The following GPR158 variants were observed in gnomAD, a reference collection of about 807,000 sequenced individuals.
GPR158 encodes G protein-coupled receptor 158.
A neutral mutation model predicts 78.2 loss-of-function variants in GPR158; 30 were observed. The ratio of observed to expected loss-of-function variants is 0.38; its 90% confidence interval spans 0.29 to 0.52. The LOEUF (loss-of-function observed/expected upper bound fraction) is 0.52, where lower values mean the gene tolerates loss of function less well. Among genes scored for constraint, GPR158 ranks in the 20% least tolerant of loss-of-function variants. The pLI is 0.83. For missense variants in GPR158, 1,463 were observed against 1,523.5 expected (o/e 0.96, Z 0.66); for synonymous variants, 581 against 591.1 (o/e 0.98, Z 0.25).
At chr10:25,476,647 T>G (rs1456175419) in intron 5 of GPR158, among the ~76,000 whole-genome samples, 1 of 152,164 alleles carries the variant, frequency 6.6e-6, no homozygotes, top group Admixed American at 6.6e-5. Flanking sequence ...ATCCACCTTT[T>G]TTTTCAGCTG....
At chr10:25,573,495 G>T in intron 7 of GPR158, among the ~76,000 whole-genome samples, 1 of 152,228 alleles carries the variant, frequency 6.6e-6, no homozygotes, top group Admixed American at 6.5e-5. Context: ...ACTTTGAAGA[G>T]CTGCATCATG....
intron 2 of GPR158, among the ~76,000 whole-genome samples, chr10:25,247,643 A>G (rs1296404142): frequency 4.1e-5 from 6 of 145,688 alleles, no homozygotes; most frequent in African/African-American, 1.5e-4. Context: ...AAGGACATGA[A>G]CTCATCATTT....
At chr10:25,180,104 G>T (rs373214256) in intron 1 of GPR158, among the ~76,000 whole-genome samples, 2 of 152,072 alleles carry the variant, frequency 1.3e-5, no homozygotes, top group Admixed American at 6.6e-5. Context: ...ATTAATTCTC[G>T]ATGAGCCTGA....
At chr10:25,355,561 A>C (rs887447680) in intron 2 of GPR158, among the ~76,000 whole-genome samples, 3 of 151,850 alleles carry the variant, frequency 2.0e-5, no homozygotes, top group African/African-American at 7.3e-5. Context: ...CCTGTTGGCT[A>C]TTTGTTTCTT....
Position 25,221,069 on chromosome 10 carries a change from A to G in GPR158, c.920A>G (p.Asp307Gly). 6.3e-7 allele frequency: 1 copy of G among 1,575,134 alleles called. No individual in the cohort carries two copies. Among genetic ancestry groups the G allele is most frequent in the Non-Finnish European group, 8.7e-7 (1 of 1,147,590 alleles). ...VPEFRGVMKVDINLQKVDIDQ... is the reference protein window; with the variant it reads ...VPEFRGVMKVGINLQKVDIDQ... ...ATTTCTAGGGGTGTCATGAAAGTTG[A>G]CATAAATCTTCAGAAAGTGGACATT... Residue 307 changes from aspartate to glycine, a missense_variant, in exon 2 of 11, where the codon GAC (aspartate) becomes GGC (glycine). Coordinates refer to ENST00000376351, the MANE Select transcript of GPR158 (RefSeq NM_020752.3).
intron 5 of GPR158, among the ~76,000 whole-genome samples, chr10:25,500,580 A>C (rs1431677005): frequency 2.6e-5 from 4 of 152,214 alleles, no homozygotes; most frequent in Non-Finnish European, 5.9e-5. Flanking sequence ...AATTTATTTG[A>C]GATGATCAAT....
At chr10:25,372,817 C>T (rs200673251) in intron 2 of GPR158, among the ~76,000 whole-genome samples, 5 of 143,654 alleles carry the variant, frequency 3.5e-5, no homozygotes, top group African/African-American at 1.3e-4. Flanking sequence ...ATGTAACTAA[C>T]CTGCACATTG....
chr10:25,311,659 T>C (rs143817030), intron 2 of GPR158, among the ~76,000 whole-genome samples: 219 of 152,134 alleles, frequency 1.4e-3, no homozygotes, highest in African/African-American at 5.1e-3. Flanking sequence ...TACTTTTTGG[T>C]CTCAAGACTT....
chr10:25,596,993 T>C (rs951885876), intron 10 of GPR158, among the ~76,000 whole-genome samples: 3 of 152,190 alleles, frequency 2.0e-5, no homozygotes, highest in African/African-American at 4.8e-5. Flanking sequence ...AACCATAGTA[T>C]AAATTAGAAT....
chr10:25,498,904 G>C (rs544613195), intron 5 of GPR158, among the ~76,000 whole-genome samples: 4 of 152,064 alleles, frequency 2.6e-5, no homozygotes, highest in African/African-American at 9.7e-5. Context: ...AGACTGGAGC[G>C]CAATGACTCA....
At chr10:25,286,834 G>A (rs562092787) in intron 2 of GPR158, among the ~76,000 whole-genome samples, 1 of 152,186 alleles carries the variant, frequency 6.6e-6, no homozygotes, top group East Asian at 1.9e-4. Context: ...TGCCATTTCA[G>A]TAGTTGTTAC....
intron 2 of GPR158, among the ~76,000 whole-genome samples, chr10:25,258,650 G>A (rs945807734): frequency 4.6e-5 from 7 of 151,618 alleles, no homozygotes; most frequent in African/African-American, 7.3e-5. Flanking sequence ...TTTTCCATAC[G>A]AACCAAGGGT....
intron 2 of GPR158, among the ~76,000 whole-genome samples, chr10:25,240,381 C>T (rs763466500): frequency 1.5e-4 from 23 of 152,182 alleles, no homozygotes; most frequent in South Asian, 1.2e-3. Flanking sequence ...TGGTGGTGCA[C>T]GCCTGTAATC....
intron 3 of GPR158, among the ~76,000 whole-genome samples, chr10:25,402,074 T>A (rs768554437): frequency 1.4e-4 from 22 of 152,062 alleles, no homozygotes; most frequent in Non-Finnish European, 2.8e-4. Flanking sequence ...AAGTAATTAA[T>A]CAAAGTAGCA....
At chr10:25,215,757 C>G (rs1157250031) in intron 1 of GPR158, among the ~76,000 whole-genome samples, 2 of 152,138 alleles carry the variant, frequency 1.3e-5, no homozygotes, top group Non-Finnish European at 2.9e-5. Context: ...ATCACTTCAG[C>G]TGGGGAGGTG....
chr10:25,347,500 A>G (rs1760756), intron 2 of GPR158, among the ~76,000 whole-genome samples: 123,534 of 151,534 alleles, frequency 0.82, 51,350 homozygotes, highest in African/African-American at 0.89. Flanking sequence ...GCCTACTACC[A>G]TGCCTAATAC....
intron 2 of GPR158, among the ~76,000 whole-genome samples, chr10:25,380,893 A>C (rs1429593495): frequency 6.6e-6 from 1 of 152,218 alleles, no homozygotes; most frequent in East Asian, 1.9e-4. Context: ...TAAAAGGTAG[A>C]AGTGATGGAA....
intron 2 of GPR158, among the ~76,000 whole-genome samples, chr10:25,303,219 T>G (rs1435984564): frequency 6.6e-6 from 1 of 152,212 alleles, no homozygotes; most frequent in African/African-American, 2.4e-5. Context: ...TTTAATTAAT[T>G]AAAATTAAGT....
At chr10:25,311,094 A>G (rs1854757507) in intron 2 of GPR158, among the ~76,000 whole-genome samples, 1 of 151,920 alleles carries the variant, frequency 6.6e-6, no homozygotes, top group Admixed American at 6.6e-5. Flanking sequence ...AAATACAGAG[A>G]ATTTTTTATT....
Sources: allele counts gnomAD v4.1 joint callset (sites outside exome capture counted in the v4.1 genomes callset), GRCh38; gene constraint gnomAD v4.1.1; transcripts MANE v1.5; gene names NCBI Gene and HGNC (gene_info 2026-07-23, HGNC 2026-07-21).